The following TAF3 variants were observed in gnomAD, a reference collection of about 807,000 sequenced individuals.
TAF3 encodes the protein transcription initiation factor TFIID subunit 3.
TAF3 carries 7 observed loss-of-function variants against 80.6 expected under a neutral mutation model. The ratio of observed to expected loss-of-function variants is 0.09; its 90% CI spans 0.05 to 0.16. The LOEUF is 0.16. Among genes scored for constraint, TAF3 ranks in the 10% least tolerant of loss-of-function variants. The pLI is 1.00. For synonymous variants in TAF3, 444 were observed against 446.1 expected, an observed-to-expected ratio of 1.00 and a Z score of 0.06; for missense variants, 921 against 1,140.2, an observed-to-expected ratio of 0.81 and a Z score of 2.77.
intron 2 of TAF3, chr10:7,833,883 CG>C: frequency 1.2e-6 from 1 of 823,148 alleles, no homozygotes; most frequent in Admixed American, 3.8e-5. Flanking sequence ...GAGTTTGGAG[CG>C]GTACCCCTTC....
intron 2 of TAF3, among the ~76,000 whole-genome samples, chr10:7,875,432 A>G (rs894009437): frequency 6.6e-5 from 10 of 152,222 alleles, no homozygotes; most frequent in African/African-American, 2.2e-4. Context: ...CATTAGGTCA[A>G]TTTATTTTAT....
intron 1 of TAF3, among the ~76,000 whole-genome samples, chr10:7,822,735 T>G (rs978728673): frequency 2.0e-5 from 3 of 152,228 alleles, no homozygotes; most frequent in Admixed American, 6.5e-5. Flanking sequence ...AATTTCAGGA[T>G]TTCAGTTAAA....
intron 2 of TAF3, among the ~76,000 whole-genome samples, chr10:7,926,815 A>C (rs1259625382): frequency 1.3e-5 from 2 of 152,218 alleles, no homozygotes; most frequent in Non-Finnish European, 2.9e-5. Context: ...AATAGTTTTT[A>C]AACTTTGCTG....
At chr10:7,903,911 C>T (rs1004400109) in intron 2 of TAF3, among the ~76,000 whole-genome samples, 5 of 152,082 alleles carry the variant, frequency 3.3e-5, no homozygotes, top group South Asian at 2.1e-4. Flanking sequence ...AGATACATAA[C>T]GTGAGATAAC....
intron 2 of TAF3, among the ~76,000 whole-genome samples, chr10:7,942,802 AT>A (rs1320484206): frequency 3.3e-5 from 5 of 151,974 alleles, no homozygotes; most frequent in East Asian, 3.9e-4. Context: ...AGTTAAAAAA[AT>A]TTTTTTTTGT....
In TAF3 at chr10:8,014,896, C is replaced by T. The variant is rs1441287292; in HGVS notation, c.*145C>T. The T allele has an allele frequency of 1.6e-5, 11 of 677,946 alleles. No individual in the cohort carries two copies. The highest frequency in any genetic ancestry group is 2.7e-5 in the Non-Finnish European group (11 of 410,874). 42.0% of individuals were successfully genotyped at this position (677,946 alleles called of 1,614,324 possible). On this transcript the variant is annotated 3_prime_UTR_variant, in exon 7 of 7. Transcript: ENST00000344293. ...CCAGGAGGACTGAGGCTGGAACACA[C>T]CGCGCACCTGGATTGTTCACTCCCG...
chr10:7,998,289 T>G (rs1354834698), intron 4 of TAF3, among the ~76,000 whole-genome samples: 1 of 142,564 alleles, frequency 7.0e-6, no homozygotes, highest in Non-Finnish European at 1.5e-5. Flanking sequence ...ATATATAAAT[T>G]TAAAAGGGGT....
intron 2 of TAF3, among the ~76,000 whole-genome samples, chr10:7,961,755 G>A (rs1203102292): frequency 6.6e-6 from 1 of 152,152 alleles, no homozygotes; most frequent in Non-Finnish European, 1.5e-5. Context: ...TGTGTCTAGG[G>A]ATTGAGCTAA....
chr10:7,820,345 T>G (rs985513188), intron 1 of TAF3, among the ~76,000 whole-genome samples: 8 of 152,222 alleles, frequency 5.3e-5, no homozygotes, highest in Admixed American at 4.6e-4. Context: ...TTCTGTAACC[T>G]GTAGGGCCAT....
chr10:7,953,869 G>C (rs139273873), intron 2 of TAF3, among the ~76,000 whole-genome samples: 1,882 of 146,232 alleles, frequency 0.013, 55 homozygotes, highest in African/African-American at 0.044. Context: ...ATTAGTCCTA[G>C]TTAACACAGA....
At position 8,014,708 on chromosome 10, in the gene TAF3, A is replaced by G. The variant is rs1477753105; in HGVS notation, c.2747A>G (p.Lys916Arg). ...TTCTGCCCCAAGTGTGCGAACAAGA[A>G]GAAGGACAAAAAGCACAAGAAGAGG... ...QWFCPKCANK[K>R]KDKKHKKRKH... The change falls in exon 7 of 7, where the codon AAG (lysine) becomes AGG (arginine). Residue 916 changes from lysine to arginine, a missense_variant. Coordinates refer to ENST00000344293, the MANE Select transcript of TAF3 (RefSeq NM_031923.4). 3 of 1,610,484 alleles carry G rather than the reference A, an allele frequency of 1.9e-6. No individual in the cohort carries two copies. The highest frequency in any genetic ancestry group is 1.1e-5 in the South Asian group (1 of 90,152).
intron 1 of TAF3, 43 bp downstream of exon 1, chr10:7,818,918 A>G: frequency 1.5e-6 from 2 of 1,364,258 alleles, no homozygotes; most frequent in Non-Finnish European, 1.9e-6. Flanking sequence ...CCGGCAAGTC[A>G]AGGGTGACAC....
At chr10:7,897,740 G>A (rs913885288) in intron 2 of TAF3, among the ~76,000 whole-genome samples, 3 of 149,828 alleles carry the variant, frequency 2.0e-5, no homozygotes, top group African/African-American at 7.4e-5. Flanking sequence ...GCTCACTACA[G>A]TCTCAAACTC....
chr10:7,905,517 T>A (rs2131175074), intron 2 of TAF3, among the ~76,000 whole-genome samples: 1 of 152,318 alleles, frequency 6.6e-6, no homozygotes, highest in South Asian at 2.1e-4. Flanking sequence ...TTACAGCCCA[T>A]TTTTTGAGTG....
chr10:7,985,379 C>T (rs1588576959), intron 4 of TAF3, among the ~76,000 whole-genome samples: 1 of 152,218 alleles, frequency 6.6e-6, no homozygotes, highest in East Asian at 1.9e-4. Flanking sequence ...TAGCTCCTCT[C>T]CTCTGTGTCT....
chr10:7,841,543 G>T (rs945881642), intron 2 of TAF3, among the ~76,000 whole-genome samples: 1 of 152,192 alleles, frequency 6.6e-6, no homozygotes, highest in African/African-American at 2.4e-5. Context: ...TTAAGTAGGG[G>T]GTTAGGATGA....
chr10:7,944,314 G>A (rs1009787383), intron 2 of TAF3, among the ~76,000 whole-genome samples: 3 of 152,088 alleles, frequency 2.0e-5, no homozygotes, highest in African/African-American at 7.2e-5. Flanking sequence ...CCAATTTTCT[G>A]TCTAAATTAT....
At chr10:7,895,725 C>T (rs1390282439) in intron 2 of TAF3, among the ~76,000 whole-genome samples, 2 of 137,126 alleles carry the variant, frequency 1.5e-5, no homozygotes, top group Non-Finnish European at 3.2e-5. Context: ...ATTGTGTGGC[C>T]TCTATCTACA....
At chr10:7,995,634 C>T (rs1215383923) in intron 4 of TAF3, among the ~76,000 whole-genome samples, 1 of 152,154 alleles carries the variant, frequency 6.6e-6, no homozygotes, top group Admixed American at 6.5e-5. Flanking sequence ...ATATTTTCCC[C>T]TAATTACTTC....
Sources: allele counts gnomAD v4.1 joint callset (sites outside exome capture counted in the v4.1 genomes callset), GRCh38; gene constraint gnomAD v4.1.1; transcripts MANE v1.5; gene names NCBI Gene and HGNC (gene_info 2026-07-23, HGNC 2026-07-21).